TTF1: variants seen among roughly 807,000 people sequenced by gnomAD.
The protein encoded by TTF1 is transcription termination factor 1.
A neutral mutation model predicts 80.2 loss-of-function variants in TTF1; 64 were observed. The ratio of observed to expected loss-of-function variants is 0.80; its 90% CI spans 0.65 to 0.98. The LOEUF (loss-of-function observed/expected upper bound fraction) is 0.98. Ranked by LOEUF, TTF1 falls within the 50% of genes least tolerant of loss-of-function variation. TTF1 has a pLI of 0.00. For missense variants in TTF1, 1,023 were observed against 1,086.2 expected (o/e 0.94, Z 0.82); for synonymous variants, 372 against 382.7 (o/e 0.97, Z 0.33).
intron 5 of TTF1, among the ~76,000 whole-genome samples, chr9:132,393,619 C>A (rs954136584): frequency 1.3e-5 from 2 of 152,188 alleles, no homozygotes; most frequent in South Asian, 2.1e-4. Flanking sequence ...AATCTCTGTT[C>A]GGGGCTCTTA....
At chr9:132,386,691 G>A (rs1384730370) in intron 8 of TTF1, 70 bp from the exon 9 acceptor site, 1 of 1,277,464 alleles carries the variant, frequency 7.8e-7, no homozygotes. Flanking sequence ...TGGACGCGTG[G>A]AGTGCTGAGA....
At position 132,402,646 on chromosome 9, in the gene TTF1, A is replaced by C; in HGVS notation, c.176T>G (p.Phe59Cys). 1 of 1,613,202 alleles carries C rather than the reference A, an allele frequency of 6.2e-7. No homozygotes were observed. The highest frequency in any genetic ancestry group is 8.5e-7 in the Non-Finnish European group (1 of 1,179,788). ...CAAAGGAGAAGAAATGAGATGCTGG[A>C]AATCTTTTTTCCTCTTTTTCCTCCT... ...ITRRKKRKKD[F>C]QHLISSPLKK... The change falls in exon 2 of 11, where the codon TTC (phenylalanine) becomes TGC (cysteine). Residue 59 changes from phenylalanine to cysteine, a missense_variant. Transcript: ENST00000334270.
rs565113049 is a variant in TTF1 at position 132,393,536 on chromosome 9, G to A, written c.1857-1330C>T. On this transcript the variant is annotated intron_variant, in intron 5 of 10. Coordinates refer to ENST00000334270, the MANE Select transcript of TTF1 (RefSeq NM_007344.4). ...GCCCATCCCTTCGTTTCCCATAAGG[G>A]ATACTTTTAGTTAATTTAATATCTA... is the stretch of plus-strand genomic sequence containing the variant. 5.0e-4 allele frequency among the ~76,000 whole-genome samples: 76 copies of A among 152,360 alleles called. 1 individual carries two copies. In the South Asian group the frequency reaches 0.014, roughly 29 times the overall value.
In TTF1 at chr9:132,402,664, T is replaced by G; in HGVS notation, c.158A>C (p.Lys53Thr). 1 of 1,613,520 alleles carries G rather than the reference T, an allele frequency of 6.2e-7. No homozygotes were observed. The highest frequency in any genetic ancestry group is 8.5e-7 in the Non-Finnish European group (1 of 1,179,888). The change falls in exon 2 of 11, where the codon AAA becomes ACA. Residue 53 changes from lysine to threonine, a missense_variant. Lys to Thr is a moderately conservative substitution (Grantham distance 78, BLOSUM62 -1). Coordinates refer to ENST00000334270, the MANE Select transcript of TTF1 (RefSeq NM_007344.4). ...ATGCTGGAAATCTTTTTTCCTCTTT[T>G]TCCTCCTAGTTATTTGAGACTGTTC... is the stretch of plus-strand genomic sequence containing the variant. ...VNEQSQITRR[K>T]KRKKDFQHLI...
chr9:132,379,234 G>T, intron 9 of TTF1, 90 bp from the exon 10 acceptor site: 1 of 912,684 alleles, frequency 1.1e-6, no homozygotes, highest in Non-Finnish European at 1.6e-6. Context: ...ATTCAGGTGA[G>T]GTTTATAGTT....
At chr9:132,397,810 C>T (rs1023066339) in intron 4 of TTF1, among the ~76,000 whole-genome samples, 5 of 152,064 alleles carry the variant, frequency 3.3e-5, no homozygotes, top group African/African-American at 1.2e-4. Context: ...CAAGGTGAAA[C>T]CCCGTCTCTA....
chr9:132,380,076 C>CA (rs1849341556), intron 9 of TTF1, among the ~76,000 whole-genome samples: 1 of 145,186 alleles, frequency 6.9e-6, no homozygotes, highest in Admixed American at 6.9e-5. Context: ...GCATTATCTT[C>CA]TTTTTTTTTT....
In TTF1 at chr9:132,376,063, T is replaced by C. The variant is rs1186583009; in HGVS notation, c.2570A>G (p.Lys857Arg). 3.1e-6 allele frequency: 5 copies of C among 1,614,234 alleles called. No individual in the cohort carries two copies. The highest frequency in any genetic ancestry group is 4.2e-6 in the Non-Finnish European group (5 of 1,180,034). ...GTKIQTPAAP[K>R]QVFPFRDIFY... Reference sequence around the variant, plus strand: ...GATGTCTCGAAATGGGAAAACTTGCTTGGGTGCTGCAGGAGTCTGGATTTT... The same window carrying C: ...GATGTCTCGAAATGGGAAAACTTGCCTGGGTGCTGCAGGAGTCTGGATTTT... The change falls in exon 11 of 11, where the codon AAG becomes AGG. Residue 857 changes from lysine (K) to arginine (R), a missense_variant. Transcript: ENST00000334270.
At chr9:132,406,427 C>A (rs1849868318) in intron 1 of TTF1, among the ~76,000 whole-genome samples, 3 of 152,038 alleles carry the variant, frequency 2.0e-5, no homozygotes, top group African/African-American at 7.3e-5. Context: ...CATGGTGAAA[C>A]CCTGTCTCTA....
At chr9:132,400,000 G>A in intron 3 of TTF1, 35 bp downstream of exon 3, 1 of 1,607,710 alleles carries the variant, frequency 6.2e-7, no homozygotes, top group Non-Finnish European at 8.5e-7. Context: ...CTGCATACAG[G>A]AAGTTCAACA....
At position 132,384,567 on chromosome 9, in the gene TTF1, G is replaced by A. The variant is rs753885031; in HGVS notation, c.2378+1989C>T. Among the ~76,000 whole-genome samples the A allele has an allele frequency of 3.3e-5, 5 of 152,158 alleles. No homozygotes were observed. The highest frequency in any genetic ancestry group is 1.9e-4 in the East Asian group (1 of 5,196). On this transcript the variant is annotated intron_variant, in intron 9 of 10. Transcript: ENST00000334270. The surrounding 1 kb of genome is among the most constrained non-coding windows in gnomAD (Gnocchi z 4.1). ...CAGACATTTTGCATAAACCATCTAC[G>A]GAAAATAGATACTGGTTTCCTGTAG...
chr9:132,386,124 C>T (rs1421210790), intron 9 of TTF1, among the ~76,000 whole-genome samples: 1 of 152,194 alleles, frequency 6.6e-6, no homozygotes, highest in Non-Finnish European at 1.5e-5. Context: ...GTCAACTCGA[C>T]TGTATGGTAA....
intron 1 of TTF1, among the ~76,000 whole-genome samples, chr9:132,403,965 C>G (rs1353205254): frequency 6.6e-6 from 1 of 152,182 alleles, no homozygotes; most frequent in East Asian, 1.9e-4. Context: ...AGGGTGTGTG[C>G]ACTTGGAATT....
Position 132,396,506 on chromosome 9 carries a change from T to G in TTF1, c.1783A>C (p.Asn595His). ...ATAAGTTTCCAGGGCCGGGCAATGTTCCTACCTAAAGTCAGAAGAAAGGTG... is the reference window on the plus strand; with the variant it reads ...ATAAGTTTCCAGGGCCGGGCAATGTGCCTACCTAAAGTCAGAAGAAAGGTG... ...RYSFRLHIGR[N>H]IARPWKLIYY... The change falls in exon 5 of 11, where the codon AAC becomes CAC. Residue 595 changes from asparagine to histidine, a missense_variant. Asn to His is a moderately conservative substitution (Grantham distance 68). Coordinates refer to ENST00000334270, the MANE Select transcript of TTF1 (RefSeq NM_007344.4). 3.7e-6 allele frequency: 6 copies of G among 1,614,164 alleles called. No homozygotes were observed. Among genetic ancestry groups the G allele is most frequent in the Non-Finnish European group, 5.1e-6 (6 of 1,180,020 alleles).
chr9:132,393,291 A>T (rs1475972366), intron 5 of TTF1, among the ~76,000 whole-genome samples: 1 of 148,192 alleles, frequency 6.7e-6, no homozygotes, highest in Non-Finnish European at 1.5e-5. Context: ...AACTGGCCAT[A>T]AACAGAATCT....
intron 10 of TTF1, among the ~76,000 whole-genome samples, chr9:132,377,643 A>C (rs1417488911): frequency 4.1e-5 from 3 of 72,656 alleles, no homozygotes; most frequent in African/African-American, 5.6e-5. Context: ...GGTGCGTGTG[A>C]ATGCATGTGG....
chr9:132,392,572 C>A (rs1457450619), intron 5 of TTF1, among the ~76,000 whole-genome samples: 2 of 147,068 alleles, frequency 1.4e-5, no homozygotes, highest in Admixed American at 1.3e-4. Context: ...TCCCTGACCC[C>A]CTTAGCCTGA....
intron 10 of TTF1, among the ~76,000 whole-genome samples, chr9:132,377,159 G>GGT (rs552697948): frequency 7.2e-6 from 1 of 138,748 alleles, no homozygotes; most frequent in African/African-American, 2.7e-5. Context: ...GCATGCATGT[G>GGT]GTGAGTGCAT....
At chr9:132,387,567 A>G (rs1306559318) in intron 8 of TTF1, among the ~76,000 whole-genome samples, 1 of 152,178 alleles carries the variant, frequency 6.6e-6, no homozygotes, top group African/African-American at 2.4e-5. Flanking sequence ...GGCGGACAGC[A>G]AGGCCAGAAC....
Sources: gnomAD v4.1 joint callset for allele counts (sites outside exome capture counted in the v4.1 genomes callset) on GRCh38, gnomAD v4.1.1 for gene constraint, Gnocchi (gnomAD v3.1) non-coding constraint, MANE v1.5 for transcripts, NCBI Gene and HGNC (gene_info 2026-07-23, HGNC 2026-07-21) for gene names.